ACOT1: variants seen among roughly 807,000 people sequenced by gnomAD.
ACOT1 encodes acyl-coenzyme A thioesterase 1.
A neutral mutation model predicts 15.7 loss-of-function variants in ACOT1; 8 were observed. That is an observed-to-expected ratio of 0.51 (90% CI 0.30 to 0.92). The LOEUF is 0.92. Among genes scored for constraint, ACOT1 ranks in the 40% least tolerant of loss-of-function variants. The pLI, the probability that ACOT1 is intolerant of heterozygous loss-of-function variation, is 0.06. For synonymous variants in ACOT1, 67 were observed against 241.2 expected, an observed-to-expected ratio of 0.28 and a Z score of 6.69; for missense variants, 151 against 539.4, an observed-to-expected ratio of 0.28 and a Z score of 7.13.
chr14:73,532,975 AAAAAG>A (rs1052059389), upstream of ACOT1, among the ~76,000 whole-genome samples: 10 of 113,042 alleles, frequency 8.8e-5, 3 homozygotes, highest in African/African-American at 2.0e-4. Context: ...ATAAATAAAT[AAAAAG>A]AAAAGAAAAG....
the ACOT1 span, among the ~76,000 whole-genome samples, chr14:73,508,858 T>C: frequency 1.3e-5 from 2 of 152,118 alleles, no homozygotes; most frequent in Non-Finnish European, 2.9e-5. Flanking sequence ...TTTTTCCTTT[T>C]TTTTAGAGAC....
At chr14:73,508,154 T>G in the ACOT1 span, 6 of 1,614,160 alleles carry the variant, frequency 3.7e-6, no homozygotes, top group Non-Finnish European at 5.1e-6. Flanking sequence ...CTCAGATAGC[T>G]CAGGAGGATA....
At chr14:73,522,511 T>C in the ACOT1 span, 1 of 1,614,236 alleles carries the variant, frequency 6.2e-7, no homozygotes. Flanking sequence ...TCCATCGGGC[T>C]GTGCGCTCGT....
At chr14:73,513,889 C>T in the ACOT1 span, 1 of 755,378 alleles carries the variant, frequency 1.3e-6, no homozygotes, top group Non-Finnish European at 2.2e-6. Flanking sequence ...GTGTGAAAGG[C>T]TCTTGTCTAG....
chr14:73,508,783 T>G, the ACOT1 span, among the ~76,000 whole-genome samples: 1 of 149,100 alleles, frequency 6.7e-6, no homozygotes, highest in Non-Finnish European at 1.5e-5. Flanking sequence ...AAAAATTTAG[T>G]CCAGCTACCA....
At chr14:73,502,241 T>C in the ACOT1 span, among the ~76,000 whole-genome samples, 1 of 152,188 alleles carries the variant, frequency 6.6e-6, no homozygotes, top group South Asian at 2.1e-4. Context: ...CTTACTCCTC[T>C]AGCCACGCTG....
chr14:73,519,339 A>T, the ACOT1 span, among the ~76,000 whole-genome samples: 1 of 152,124 alleles, frequency 6.6e-6, no homozygotes, highest in East Asian at 1.9e-4. Flanking sequence ...TAGAAATATC[A>T]CAGTGATAAA....
rs1396616057 is a variant in ACOT1, at chr14:73,541,314, A to G, written c.458-179A>G. 8.1e-5 allele frequency among the ~76,000 whole-genome samples: 9 copies of G among 111,758 alleles called. 1 individual carries two copies. Among genetic ancestry groups the G allele is most frequent in the African/African-American group, 2.4e-4 (8 of 33,030 alleles). The allele number at this position is 111,758 out of a possible 152,430, so 73.3% of individuals were successfully genotyped here. ...GTCTTTGGCTACAATGAATAAAGTC[A>G]CTATAAACACTTGCCAGAAGTTTCT... On this transcript the variant is annotated intron_variant, in intron 1 of 2. Coordinates refer to ENST00000311148, the MANE Select transcript of ACOT1 (RefSeq NM_001037161.2).
chr14:73,505,426 T>C, the ACOT1 span, among the ~76,000 whole-genome samples: 1 of 151,758 alleles, frequency 6.6e-6, no homozygotes, highest in Non-Finnish European at 1.5e-5. Context: ...AGACAGAGTC[T>C]CGCACTGTCG....
chr14:73,540,775 G>A (rs181276411), intron 1 of ACOT1, among the ~76,000 whole-genome samples: 1 of 101,044 alleles, frequency 9.9e-6, no homozygotes, highest in South Asian at 3.0e-4. Context: ...ACAGTGTCTC[G>A]CTCTTTCGCC....
At chr14:73,503,110 G>T in the ACOT1 span, 1 of 932,720 alleles carries the variant, frequency 1.1e-6, no homozygotes, top group Non-Finnish European at 1.7e-6. Context: ...ACTCATCACT[G>T]TACTAATGAG....
At position 73,543,240 on chromosome 14, in the gene ACOT1, T is replaced by G. The variant is rs1643967932; in HGVS notation, c.851T>G (p.Val284Gly). The G allele has an allele frequency of 6.3e-7, 1 of 1,599,150 alleles. No individual in the cohort carries two copies. The highest frequency in any genetic ancestry group is 8.5e-7 in the Non-Finnish European group (1 of 1,173,608). ...GGCGTCAACAGAAATCGCATCAAGG[T>G]GACCAAAGATGGCTATGCAGACATT... ...PVGVNRNRIK[V>G]TKDGYADIVD... Residue 284 changes from valine to glycine, a missense_variant, in exon 3 of 3, where the codon GTG (valine) becomes GGG (glycine). By Grantham distance (109) the Val-to-Gly change is moderately radical. Coordinates refer to ENST00000311148, the MANE Select transcript of ACOT1 (RefSeq NM_001037161.2).
chr14:73,495,300 G>A, the ACOT1 span: 25 of 1,613,730 alleles, frequency 1.5e-5, no homozygotes, highest in African/African-American at 2.7e-5. Flanking sequence ...AAGTAAACAC[G>A]TTTTGCTTCC....
chr14:73,495,010 CT>C, the ACOT1 span, among the ~76,000 whole-genome samples: 254 of 151,442 alleles, frequency 1.7e-3, no homozygotes, highest in Non-Finnish European at 2.9e-3. Flanking sequence ...ATAGAGATAA[CT>C]TTTTTTTAAG....
chr14:73,500,939 A>G, the ACOT1 span, among the ~76,000 whole-genome samples: 1 of 152,326 alleles, frequency 6.6e-6, no homozygotes, highest in South Asian at 2.1e-4. Context: ...GTAATTAGGT[A>G]ATGCAGGGCT....
At chr14:73,504,581 T>C in the ACOT1 span, among the ~76,000 whole-genome samples, 1 of 152,172 alleles carries the variant, frequency 6.6e-6, no homozygotes, top group Non-Finnish European at 1.5e-5. Context: ...GTGACGCCTG[T>C]GCTGCTGGTC....
rs547590948 is a variant in ACOT1 at position 73,537,413 on chromosome 14, C to T, written c.-9C>T. 5.4e-5 allele frequency: 67 copies of T among 1,234,778 alleles called. 20 individuals carry two copies. In the South Asian group the frequency reaches 9.0e-4, roughly 17 times the overall value. The allele number at this position is 1,234,778 out of a possible 1,614,324, so 76.5% of individuals were successfully genotyped here. A position where few individuals can be genotyped will look rare whatever the true frequency, so the allele number is the denominator to read the frequency against. On this transcript the variant is annotated 5_prime_UTR_variant, in exon 1 of 3. Transcript: ENST00000311148. ...GCAGTTTGGCCGGATTATTTGGGTTCCTGCTCGGATGGCGGCGACGCTGAT... is the reference window on the plus strand; with the variant it reads ...GCAGTTTGGCCGGATTATTTGGGTTTCTGCTCGGATGGCGGCGACGCTGAT...
the ACOT1 span, chr14:73,492,942 A>T: frequency 6.2e-7 from 1 of 1,609,172 alleles, no homozygotes; most frequent in Non-Finnish European, 8.5e-7. This position sits in a 1 kb window ranked among gnomAD's most constrained non-coding sequence, Gnocchi z 4.9. Context: ...GCCCTAAATT[A>T]GTTTCTTGTT....
the ACOT1 span, among the ~76,000 whole-genome samples, chr14:73,502,685 T>A: frequency 6.6e-6 from 1 of 152,140 alleles, no homozygotes; most frequent in African/African-American, 2.4e-5. Flanking sequence ...GTAGCTGGGA[T>A]GACAGGCATG....
Sources: gnomAD v4.1 joint callset for allele counts (sites outside exome capture counted in the v4.1 genomes callset) on GRCh38, gnomAD v4.1.1 for gene constraint, Gnocchi (gnomAD v3.1) non-coding constraint, MANE v1.5 for transcripts, NCBI Gene and HGNC (gene_info 2026-07-23, HGNC 2026-07-21) for gene names.